Variants in TCF7L1 observed in about 807,000 individuals in gnomAD.
TCF7L1 encodes transcription factor 7-like 1.
A neutral mutation model predicts 63.7 loss-of-function variants in TCF7L1; 18 were observed. That is an observed-to-expected ratio of 0.28 (90% CI 0.20 to 0.42). The LOEUF (loss-of-function observed/expected upper bound fraction) is 0.42. Among genes scored for constraint, TCF7L1 ranks in the 10% least tolerant of loss-of-function variants. TCF7L1 has a pLI of 1.00. For missense variants in TCF7L1, 654 were observed against 779.3 expected, an observed-to-expected ratio of 0.84 and a Z score of 1.91; for synonymous variants, 355 against 340.9, an observed-to-expected ratio of 1.04 and a Z score of -0.46.
At chr2:85,157,756 T>C (rs572304997) in intron 3 of TCF7L1, among the ~76,000 whole-genome samples, 1 of 152,274 alleles carries the variant, frequency 6.6e-6, no homozygotes, top group Non-Finnish European at 1.5e-5. Context: ...GGCCTCTGGG[T>C]GAAGAGCAAG....
chr2:85,261,197 A>G (rs1680850877), intron 3 of TCF7L1, among the ~76,000 whole-genome samples: 1 of 150,760 alleles, frequency 6.6e-6, no homozygotes, highest in African/African-American at 2.4e-5. Context: ...AAGCTATAAA[A>G]TGTATTTCCA....
chr2:85,260,746 A>G (rs1680840308), intron 3 of TCF7L1, among the ~76,000 whole-genome samples: 2 of 152,162 alleles, frequency 1.3e-5, no homozygotes, highest in Non-Finnish European at 2.9e-5. Context: ...TATGTTGAAT[A>G]ATGTGCTGTA....
chr2:85,273,753 G>T (rs1300588811), intron 3 of TCF7L1, among the ~76,000 whole-genome samples: 1 of 152,128 alleles, frequency 6.6e-6, no homozygotes, highest in Admixed American at 6.5e-5. Flanking sequence ...GTGAGCATGG[G>T]CCCCTTGAGT....
At chr2:85,265,930 CCT>C (rs1249202776) in intron 3 of TCF7L1, among the ~76,000 whole-genome samples, 3 of 152,242 alleles carry the variant, frequency 2.0e-5, no homozygotes, top group African/African-American at 7.2e-5. Context: ...GTTCAACTCA[CCT>C]CTTAGTGTAT....
intron 3 of TCF7L1, 131 bp from the exon 4 acceptor site, chr2:85,283,364 G>A (rs1207410297): frequency 1.2e-6 from 1 of 837,770 alleles, no homozygotes; most frequent in African/African-American, 1.7e-5. Context: ...CCCAGTACAG[G>A]GCATGTGGCA....
intron 4 of TCF7L1, among the ~76,000 whole-genome samples, chr2:85,298,501 AAGC>A (rs1315830162): frequency 7.4e-6 from 1 of 135,954 alleles, no homozygotes; most frequent in African/African-American, 2.8e-5. Context: ...AAAAAAAAAA[AAGC>A]ATGTGAGAGA....
At chr2:85,284,923 T>C (rs1681506205) in intron 4 of TCF7L1, among the ~76,000 whole-genome samples, 1 of 152,194 alleles carries the variant, frequency 6.6e-6, no homozygotes, top group South Asian at 2.1e-4. Flanking sequence ...CATTACTTCA[T>C]CTCATAGGAC....
At chr2:85,301,520 A>G (rs872470) in intron 4 of TCF7L1, among the ~76,000 whole-genome samples, 10,575 of 152,326 alleles carry the variant, frequency 0.069, 479 homozygotes, top group African/African-American at 0.12. Flanking sequence ...TAGAACGCAC[A>G]GGTTTTTCCC....
intron 3 of TCF7L1, among the ~76,000 whole-genome samples, chr2:85,222,396 G>A (rs1312909995): frequency 4.0e-5 from 6 of 150,408 alleles, no homozygotes; most frequent in African/African-American, 1.2e-4. Context: ...TTGGCCAGGC[G>A]TGGTGGTTCA....
intron 3 of TCF7L1, among the ~76,000 whole-genome samples, chr2:85,139,360 T>A (rs1677666203): frequency 6.6e-6 from 1 of 152,158 alleles, no homozygotes; most frequent in Admixed American, 6.5e-5. Flanking sequence ...TCAACTGAAG[T>A]CTATTGGATA....
intron 3 of TCF7L1, among the ~76,000 whole-genome samples, chr2:85,156,814 G>A (rs1442567927): frequency 2.6e-5 from 4 of 152,216 alleles, no homozygotes; most frequent in Admixed American, 1.3e-4. Context: ...TGATGAATAA[G>A]TTCTCAGCTT....
At chr2:85,224,815 T>G (rs1300417726) in intron 3 of TCF7L1, among the ~76,000 whole-genome samples, 1 of 152,234 alleles carries the variant, frequency 6.6e-6, no homozygotes, top group Non-Finnish European at 1.5e-5. Flanking sequence ...TGGCTTTTGT[T>G]GCCATTGCTT....
intron 3 of TCF7L1, among the ~76,000 whole-genome samples, chr2:85,216,859 C>G (rs1679723692): frequency 6.6e-6 from 1 of 152,204 alleles, no homozygotes; most frequent in Non-Finnish European, 1.5e-5. Context: ...AGGGGCTTCT[C>G]AAGCTTGGAG....
intron 3 of TCF7L1, among the ~76,000 whole-genome samples, chr2:85,155,089 A>G (rs1214029735): frequency 6.6e-6 from 1 of 152,186 alleles, no homozygotes; most frequent in Non-Finnish European, 1.5e-5. Context: ...TACTGGGATT[A>G]CAGGTCTGAG....
At chr2:85,285,733 C>T (rs1000057001) in intron 4 of TCF7L1, among the ~76,000 whole-genome samples, 1 of 152,210 alleles carries the variant, frequency 6.6e-6, no homozygotes, top group African/African-American at 2.4e-5. Flanking sequence ...CACCTCCCCC[C>T]AGTGCAGCCA....
chr2:85,241,038 G>A (rs1261002920), intron 3 of TCF7L1, among the ~76,000 whole-genome samples: 1 of 152,116 alleles, frequency 6.6e-6, no homozygotes, highest in East Asian at 1.9e-4. Context: ...GAAGCTGGAG[G>A]GTTTAAATTC....
intron 3 of TCF7L1, among the ~76,000 whole-genome samples, chr2:85,197,056 C>T (rs917405086): frequency 6.6e-6 from 1 of 152,212 alleles, no homozygotes; most frequent in Non-Finnish European, 1.5e-5. Context: ...CTCACTTGGA[C>T]AGTTTCCACT....
intron 3 of TCF7L1, among the ~76,000 whole-genome samples, chr2:85,202,485 T>C (rs1679293415): frequency 6.6e-6 from 1 of 152,230 alleles, no homozygotes; most frequent in African/African-American, 2.4e-5. Context: ...CTGTTATCAT[T>C]TGTGCTTTAG....
At chr2:85,172,221 T>C (rs532667248) in intron 3 of TCF7L1, among the ~76,000 whole-genome samples, 24 of 152,138 alleles carry the variant, frequency 1.6e-4, no homozygotes, top group Non-Finnish European at 2.6e-4. Flanking sequence ...GTTAGGGCCA[T>C]GGGGTGCCAT....
Sources: gnomAD v4.1 joint callset for allele counts (sites outside exome capture counted in the v4.1 genomes callset) on GRCh38, gnomAD v4.1.1 for gene constraint, MANE v1.5 for transcripts, NCBI Gene and HGNC (gene_info 2026-07-23, HGNC 2026-07-21) for gene names.